WDR27: variants seen among roughly 807,000 people sequenced by gnomAD.
The protein encoded by WDR27 is WD repeat-containing protein 27.
In WDR27, 100 loss-of-function variants were observed where a neutral mutation model predicts 114.4. The ratio of observed to expected loss-of-function variants is 0.87; its 90% CI spans 0.74 to 1.03. The LOEUF (loss-of-function observed/expected upper bound fraction) is 1.03. WDR27 is among the 50% of genes least tolerant of loss of function. The pLI, the probability that WDR27 is intolerant of heterozygous loss-of-function variation, is 0.00. For missense variants in WDR27, 1,129 were observed against 1,092.9 expected, an observed-to-expected ratio of 1.03 and a Z score of -0.47; for synonymous variants, 449 against 423.1, an observed-to-expected ratio of 1.06 and a Z score of -0.75.
At chr6:169,446,609 C>T in the WDR27 span, among the ~76,000 whole-genome samples, 1 of 152,166 alleles carries the variant, frequency 6.6e-6, no homozygotes. Flanking sequence ...AAAAGTAAAA[C>T]ACAAAGCAGG....
chr6:169,658,923 G>T (rs563555388), intron 12 of WDR27, among the ~76,000 whole-genome samples, 163 bp downstream of exon 12: 1 of 152,210 alleles, frequency 6.6e-6, no homozygotes, highest in South Asian at 2.1e-4. Context: ...TCCTGACCTC[G>T]TGATCCACCC....
At chr6:169,516,047 G>A (rs1793590356) in intron 25 of WDR27, among the ~76,000 whole-genome samples, 2 of 151,966 alleles carry the variant, frequency 1.3e-5, no homozygotes, top group African/African-American at 4.8e-5. Flanking sequence ...ATAGCTAAGA[G>A]GAGAACGGTA....
Position 169,670,682 on chromosome 6 carries a change from G to C in WDR27, c.343C>G (p.Arg115Gly). Residue 115 changes from arginine (R) to glycine (G), a missense_variant, in exon 4 of 26, where the codon CGA (arginine) becomes GGA (glycine). Arg to Gly is a moderately radical substitution (Grantham distance 125). Transcript: ENST00000448612. ...REKVLQGLVP[R>G]GTVMGSLLGK... Reference sequence around the variant, plus strand: ...AAAAGCGAGCCCATGACAGTCCCTCGAGGGACCAGCCCTAGAGTGAGTTTC... The same window carrying C: ...AAAAGCGAGCCCATGACAGTCCCTCCAGGGACCAGCCCTAGAGTGAGTTTC... The C allele has an allele frequency of 1.9e-6, 3 of 1,613,942 alleles. No homozygotes were observed. Among genetic ancestry groups the C allele is most frequent in the Non-Finnish European group, 8.5e-7 (1 of 1,179,882 alleles).
intron 18 of WDR27, among the ~76,000 whole-genome samples, chr6:169,636,986 G>A (rs570998379): frequency 1.3e-5 from 2 of 152,200 alleles, no homozygotes; most frequent in African/African-American, 4.8e-5. Context: ...TTCCTTTCTT[G>A]TCTTTCTCGT....
chr6:169,571,413 G>A (rs1053469073), intron 25 of WDR27, among the ~76,000 whole-genome samples: 1 of 152,186 alleles, frequency 6.6e-6, no homozygotes, highest in Non-Finnish European at 1.5e-5. Context: ...TCTTAATAAA[G>A]TGAACGACAT....
intron 14 of WDR27, among the ~76,000 whole-genome samples, chr6:169,650,304 C>T (rs1822009826): frequency 1.4e-5 from 2 of 146,030 alleles, no homozygotes; most frequent in African/African-American, 5.1e-5. Flanking sequence ...ATCTCTGCAT[C>T]CCTCCATCCC....
intron 18 of WDR27, among the ~76,000 whole-genome samples, chr6:169,637,599 A>C (rs1203991207): frequency 6.6e-6 from 1 of 152,108 alleles, no homozygotes; most frequent in African/African-American, 2.4e-5. Flanking sequence ...GTATGCATCT[A>C]TATGCGTGTG....
At chr6:169,550,667 C>T (rs1797976409) in intron 25 of WDR27, among the ~76,000 whole-genome samples, 1 of 151,830 alleles carries the variant, frequency 6.6e-6, no homozygotes, top group Non-Finnish European at 1.5e-5. Context: ...GTGATCCACT[C>T]GCCTCAGCCT....
chr6:169,448,782 C>T, the WDR27 span, among the ~76,000 whole-genome samples: 1 of 152,196 alleles, frequency 6.6e-6, no homozygotes, highest in Admixed American at 6.5e-5. Flanking sequence ...CTTTTGTCCT[C>T]TGCCATAAGC....
At chr6:169,638,742 T>C (rs1035093431) in intron 17 of WDR27, 82 bp from the exon 18 acceptor site, 12 of 1,497,784 alleles carry the variant, frequency 8.0e-6, no homozygotes, top group Non-Finnish European at 1.1e-5. Context: ...GGTACTTTCA[T>C]ACAACACAAC....
intron 4 of WDR27, among the ~76,000 whole-genome samples, chr6:169,669,317 C>T (rs1378962710): frequency 6.6e-6 from 1 of 152,196 alleles, no homozygotes; most frequent in Non-Finnish European, 1.5e-5. Flanking sequence ...AAGTGTCTTT[C>T]AGTTGACACG....
chr6:169,494,484 C>T (rs1790157270), intron 25 of WDR27, among the ~76,000 whole-genome samples: 1 of 152,078 alleles, frequency 6.6e-6, no homozygotes, highest in South Asian at 2.1e-4. Context: ...ATCACTTGAG[C>T]AATGCATTGC....
At chr6:169,578,308 CA>C (rs1802785928) in intron 24 of WDR27, among the ~76,000 whole-genome samples, 1 of 152,200 alleles carries the variant, frequency 6.6e-6, no homozygotes, top group Non-Finnish European at 1.5e-5. Flanking sequence ...GATATAAAAA[CA>C]ATGGCACGGG....
At position 169,638,656 on chromosome 6, in the gene WDR27, G is replaced by A. The variant is rs750718841; in HGVS notation, c.1752C>T (p.His584=). ...LTGTPAVFSG[H]DGAVNAVCWS... ...AGCACACGGCATTCACTGCCCCGTC[G>A]TGACCTAACAGGAATGACCACAGAA... Residue 584 remains histidine (H), a synonymous_variant, in exon 18 of 26, where the codon CAC becomes CAT. Transcript: ENST00000448612. 29 of 1,601,884 alleles carry A rather than the reference G, an allele frequency of 1.8e-5. No homozygotes were observed. The highest frequency in any genetic ancestry group is 1.7e-4 in the Admixed American group (10 of 58,294).
chr6:169,596,690 G>A (rs1006939810), intron 23 of WDR27, among the ~76,000 whole-genome samples: 3 of 151,998 alleles, frequency 2.0e-5, no homozygotes, highest in Non-Finnish European at 4.4e-5. Context: ...AAAAAATAGA[G>A]AGAGAAGATA....
At chr6:169,595,539 T>C (rs1306522786) in intron 23 of WDR27, among the ~76,000 whole-genome samples, 1 of 152,224 alleles carries the variant, frequency 6.6e-6, no homozygotes, top group African/African-American at 2.4e-5. Context: ...AATTCTATTG[T>C]CAGCTTCAAC....
At chr6:169,623,592 A>C (rs1440776932) in intron 21 of WDR27, among the ~76,000 whole-genome samples, 1 of 152,220 alleles carries the variant, frequency 6.6e-6, no homozygotes, top group Non-Finnish European at 1.5e-5. Flanking sequence ...ATGCAGAGAC[A>C]GTGAGGGTCC....
At chr6:169,532,620 G>GT (rs1267929393) in intron 25 of WDR27, among the ~76,000 whole-genome samples, 1 of 152,124 alleles carries the variant, frequency 6.6e-6, no homozygotes, top group African/African-American at 2.4e-5. Flanking sequence ...TGTATTTGAA[G>GT]TTTTGTTTAC....
intron 7 of WDR27, chr6:169,664,619 A>C: frequency 8.8e-7 from 1 of 1,135,730 alleles, no homozygotes; most frequent in African/African-American, 1.6e-5. Context: ...AGCCAAGAGC[A>C]CGTCCCACAT....
Sources: allele counts gnomAD v4.1 joint callset (sites outside exome capture counted in the v4.1 genomes callset), GRCh38; gene constraint gnomAD v4.1.1; transcripts MANE v1.5; gene names NCBI Gene and HGNC (gene_info 2026-07-23, HGNC 2026-07-21).